The following LRRC40 variants were observed in gnomAD, a reference collection of about 807,000 sequenced individuals.
The protein encoded by LRRC40 is leucine-rich repeat-containing protein 40.
In LRRC40, 76 loss-of-function variants were observed where a neutral mutation model predicts 72.8. That is an observed-to-expected ratio of 1.04 (90% CI 0.87 to 1.26). The LOEUF (loss-of-function observed/expected upper bound fraction) is 1.26. Ranked by LOEUF, LRRC40 falls within the 50% of genes most tolerant of loss-of-function variation. The pLI is 0.00. For missense variants in LRRC40, 684 were observed against 698.9 expected (o/e 0.98, Z 0.24); for synonymous variants, 243 against 254.2 (o/e 0.96, Z 0.42).
intron 5 of LRRC40, among the ~76,000 whole-genome samples, chr1:70,179,671 CTTAAG>C (rs1378202783): frequency 2.0e-5 from 3 of 152,164 alleles, no homozygotes; most frequent in African/African-American, 2.4e-5. Flanking sequence ...GATTTATCAA[CTTAAG>C]TTGAGATGTT....
intron 1 of LRRC40, among the ~76,000 whole-genome samples, chr1:70,198,546 T>G (rs1668665091): frequency 6.6e-6 from 1 of 152,208 alleles, no homozygotes; most frequent in Non-Finnish European, 1.5e-5. Context: ...TGACAACATA[T>G]TCTCATGTTG....
chr1:70,204,629 T>C (rs6696040), intron 1 of LRRC40, among the ~76,000 whole-genome samples: 11,914 of 152,036 alleles, frequency 0.078, 525 homozygotes, highest in South Asian at 0.19. Flanking sequence ...AGAAGGAAAA[T>C]GGAAGGTTTT....
intron 10 of LRRC40, among the ~76,000 whole-genome samples, chr1:70,156,641 A>T (rs1419893739): frequency 2.0e-5 from 3 of 152,174 alleles, no homozygotes; most frequent in Non-Finnish European, 4.4e-5. Context: ...ACTGAATCCT[A>T]TATAGTATAC....
chr1:70,193,904 C>T (rs1289291187), intron 1 of LRRC40, among the ~76,000 whole-genome samples: 2 of 151,950 alleles, frequency 1.3e-5, no homozygotes, highest in African/African-American at 4.8e-5. Context: ...ACAATAAAAA[C>T]TCAGAAAACT....
chr1:70,166,677 C>G (rs893867160), intron 9 of LRRC40, among the ~76,000 whole-genome samples: 1 of 149,396 alleles, frequency 6.7e-6, no homozygotes. Flanking sequence ...AAAAAAAAAT[C>G]AAAAATTAAA....
Position 70,184,873 on chromosome 1 carries a change from A to G in LRRC40, c.449T>C (p.Leu150Pro). The G allele has an allele frequency of 6.2e-7, 1 of 1,609,954 alleles. No homozygotes were observed. The highest frequency in any genetic ancestry group is 1.7e-4 in the Middle Eastern group (1 of 6,052). ...LKILPEEITN[L>P]RNLKCLYLQH... is the part of the protein sequence containing the mutation. ...GAGATACAGGCACTTCAGGTTTCTT[A>G]GGTTTGTAATTTCTTCAGGGAGTAT... Residue 150 changes from leucine (L) to proline (P), a missense_variant, in exon 4 of 15, where the codon CTA (leucine) becomes CCA (proline). By Grantham distance (98) the Leu-to-Pro change is moderately conservative. Coordinates refer to ENST00000370952, the MANE Select transcript of LRRC40 (RefSeq NM_017768.5).
chr1:70,151,938 C>G (rs1667505751), intron 12 of LRRC40: 1 of 152,124 alleles, frequency 6.6e-6, no homozygotes, highest in South Asian at 2.1e-4. Context: ...ATATTTTTCT[C>G]TAACCTATTT....
intron 10 of LRRC40, among the ~76,000 whole-genome samples, chr1:70,156,672 TAAC>T (rs1667644479): frequency 1.3e-5 from 2 of 152,076 alleles, no homozygotes; most frequent in South Asian, 2.1e-4. Context: ...TTCAATCTGA[TAAC>T]AAGATGACTA....
intron 10 of LRRC40, among the ~76,000 whole-genome samples, chr1:70,156,761 G>A (rs2100243340): frequency 6.6e-6 from 1 of 152,250 alleles, no homozygotes; most frequent in South Asian, 2.1e-4. Context: ...CAGGTCATGA[G>A]ACATGACAGG....
At chr1:70,162,010 C>A (rs536526999) in intron 9 of LRRC40, among the ~76,000 whole-genome samples, 1 of 152,168 alleles carries the variant, frequency 6.6e-6, no homozygotes, top group Non-Finnish European at 1.5e-5. Context: ...GAGTAACCAC[C>A]TCAGAATGGA....
chr1:70,170,861 T>C (rs1667985719), intron 9 of LRRC40, among the ~76,000 whole-genome samples: 1 of 152,130 alleles, frequency 6.6e-6, no homozygotes, highest in Non-Finnish European at 1.5e-5. Context: ...TCATATGGAA[T>C]TGCAAGAAAT....
At chr1:70,204,732 TACACAC>T (rs3219841) in intron 1 of LRRC40, among the ~76,000 whole-genome samples, 10 of 145,186 alleles carry the variant, frequency 6.9e-5, no homozygotes, top group African/African-American at 1.5e-4. Flanking sequence ...CTCTCTCTCT[TACACAC>T]ACACACACAC....
chr1:70,205,532 G>C lies in LRRC40; in HGVS notation c.9C>G (p.Arg3=), dbSNP rs1225627869. ...GATCCTGCCCCGCTATCCGCTTCAG[G>C]CGCGACATGTTCAAAGTCCTAGGTC... MS[R]LKRIAGQDLR... is the part of the protein sequence containing the mutation. Residue 3 remains arginine, a synonymous_variant, in exon 1 of 15, where the codon CGC becomes CGG. Coordinates refer to ENST00000370952, the MANE Select transcript of LRRC40 (RefSeq NM_017768.5). 1 of 1,594,998 alleles carries C rather than the reference G, an allele frequency of 6.3e-7. No individual in the cohort carries two copies. Among genetic ancestry groups the C allele is most frequent in the East Asian group, 2.2e-5 (1 of 44,464 alleles).
chr1:70,152,351 T>A (rs1481226225), intron 12 of LRRC40, 82 bp downstream of exon 12: 4 of 714,262 alleles, frequency 5.6e-6, no homozygotes, highest in African/African-American at 1.8e-5. Context: ...TAGGAAAATA[T>A]GAGGTAAAAA....
intron 9 of LRRC40, among the ~76,000 whole-genome samples, chr1:70,167,001 A>G (rs1226153997): frequency 6.6e-6 from 1 of 152,168 alleles, no homozygotes; most frequent in Non-Finnish European, 1.5e-5. Context: ...AACTGAGAAG[A>G]AGGCAAAGAT....
chr1:70,181,619 A>T (rs1476453177), intron 4 of LRRC40, among the ~76,000 whole-genome samples: 2 of 152,054 alleles, frequency 1.3e-5, no homozygotes, highest in Non-Finnish European at 2.9e-5. Flanking sequence ...AATGAAAAAC[A>T]TCTTTGCAAG....
intron 1 of LRRC40, among the ~76,000 whole-genome samples, chr1:70,190,814 C>T (rs759458070): frequency 2.6e-5 from 4 of 151,836 alleles, no homozygotes; most frequent in Non-Finnish European, 5.9e-5. Flanking sequence ...TACTCTTCTA[C>T]CACTGATTCT....
chr1:70,189,359 T>C (rs1360351712), intron 1 of LRRC40, 86 bp from the exon 2 acceptor site: 20 of 1,078,744 alleles, frequency 1.9e-5, no homozygotes, highest in African/African-American at 1.6e-5. Flanking sequence ...CATGCTTTTA[T>C]AATAGCCATT....
intron 9 of LRRC40, among the ~76,000 whole-genome samples, chr1:70,159,875 C>G (rs1489504675): frequency 6.6e-6 from 1 of 152,146 alleles, no homozygotes; most frequent in Non-Finnish European, 1.5e-5. Context: ...AATTGATTAT[C>G]CTCAATCACT....
Sources: allele counts gnomAD v4.1 joint callset (sites outside exome capture counted in the v4.1 genomes callset), GRCh38; gene constraint gnomAD v4.1.1; transcripts MANE v1.5; gene names NCBI Gene and HGNC (gene_info 2026-07-23, HGNC 2026-07-21).